The following TBC1D5 variants were observed in gnomAD, a reference collection of about 807,000 sequenced individuals.
TBC1D5 encodes the protein TBC1 domain family member 5.
Under a neutral mutation model 100.3 loss-of-function variants are expected in TBC1D5, and 75 were observed. The ratio of observed to expected loss-of-function variants is 0.75; its 90% CI spans 0.62 to 0.91. The LOEUF (loss-of-function observed/expected upper bound fraction) is 0.91. Among genes scored for constraint, TBC1D5 ranks in the 40% least tolerant of loss-of-function variants. TBC1D5 has a pLI of 0.00. For missense variants in TBC1D5, 910 were observed against 942.4 expected, an observed-to-expected ratio of 0.97 and a Z score of 0.45; for synonymous variants, 323 against 325.6, an observed-to-expected ratio of 0.99 and a Z score of 0.09.
At chr3:17,319,048 A>C (rs1272000445) in intron 13 of TBC1D5, among the ~76,000 whole-genome samples, 1 of 152,228 alleles carries the variant, frequency 6.6e-6, no homozygotes. Context: ...AGCCAATTTT[A>C]GAAAGACTTA....
chr3:17,206,031 T>C (rs2125880949), intron 18 of TBC1D5, among the ~76,000 whole-genome samples: 1 of 152,332 alleles, frequency 6.6e-6, no homozygotes. Flanking sequence ...CTACTTTAGA[T>C]GTGTCAGGGG....
intron 3 of TBC1D5, among the ~76,000 whole-genome samples, chr3:17,480,507 G>A (rs780457042): frequency 1.6e-4 from 24 of 152,194 alleles, no homozygotes; most frequent in Admixed American, 6.5e-4. Context: ...ACCCAGCCAG[G>A]ACTACCAGCT....
intron 13 of TBC1D5, among the ~76,000 whole-genome samples, chr3:17,351,987 C>G (rs187233685): frequency 6.7e-6 from 1 of 149,310 alleles, no homozygotes; most frequent in Non-Finnish European, 1.5e-5. Flanking sequence ...TTTCATCTAA[C>G]CTAAAGAGAA....
At chr3:17,637,031 T>A (rs1577154314) in intron 1 of TBC1D5, among the ~76,000 whole-genome samples, 2 of 150,956 alleles carry the variant, frequency 1.3e-5, no homozygotes, top group Admixed American at 1.3e-4. Context: ...TTATTATTTT[T>A]TTTTTTTTGA....
chr3:17,286,116 TATA>T (rs1176480686), intron 15 of TBC1D5, among the ~76,000 whole-genome samples: 3 of 152,208 alleles, frequency 2.0e-5, no homozygotes, highest in African/African-American at 7.2e-5. Flanking sequence ...GTATTTCATT[TATA>T]ATAAGTCTTT....
chr3:17,393,609 C>A (rs1312827054), intron 8 of TBC1D5, among the ~76,000 whole-genome samples: 1 of 152,148 alleles, frequency 6.6e-6, no homozygotes, highest in African/African-American at 2.4e-5. Context: ...CAGCATGGTA[C>A]TGGTACCAAA....
intron 2 of TBC1D5, among the ~76,000 whole-genome samples, chr3:17,602,719 C>A (rs1051244921): frequency 2.0e-5 from 3 of 151,578 alleles, no homozygotes; most frequent in African/African-American, 7.3e-5. Flanking sequence ...ACTACAGGCG[C>A]CCGCCACCAC....
intron 1 of TBC1D5, among the ~76,000 whole-genome samples, chr3:17,693,784 G>A (rs886841532): frequency 6.6e-6 from 1 of 152,178 alleles, no homozygotes; most frequent in Non-Finnish European, 1.5e-5. Flanking sequence ...CTCCTCAATT[G>A]GGTCCCTGAA....
chr3:17,380,941 A>C (rs1575608691), intron 9 of TBC1D5, among the ~76,000 whole-genome samples: 2 of 152,104 alleles, frequency 1.3e-5, no homozygotes, highest in East Asian at 3.9e-4. Context: ...CCTAGTACAA[A>C]ATAATAGCTT....
chr3:17,232,273 T>C (rs899621915), intron 17 of TBC1D5, among the ~76,000 whole-genome samples: 3 of 152,148 alleles, frequency 2.0e-5, no homozygotes, highest in Admixed American at 2.0e-4. Context: ...AGGTATAAAT[T>C]GGGCTCCATA....
At position 17,623,883 on chromosome 3, in the gene TBC1D5, A is replaced by G. The variant is rs773584130; in HGVS notation, c.-70T>C. ...TTCAGGCTTTGAGAATTTTTCTCCC[A>G]TTCCAAACTTTTATCTTGATACTGA... On this transcript the variant is annotated 5_prime_UTR_variant, in exon 2 of 22. It removes an upstream start codon present in the reference 5' UTR. Transcript: ENST00000253692. 1 of 152,126 alleles carries G rather than the reference A, an allele frequency of 6.6e-6. No individual in the cohort carries two copies. The highest frequency in any genetic ancestry group is 1.5e-5 in the Non-Finnish European group (1 of 68,016). 9.4% of individuals were successfully genotyped at this position (152,126 alleles called of 1,614,324 possible).
intron 1 of TBC1D5, among the ~76,000 whole-genome samples, chr3:17,710,333 G>A (rs1560528489): frequency 6.6e-6 from 1 of 152,090 alleles, no homozygotes; most frequent in Non-Finnish European, 1.5e-5. Context: ...GGTTGGCGGA[G>A]GTGGGTGGTT....
At chr3:17,277,639 G>A (rs2080163777) in intron 15 of TBC1D5, among the ~76,000 whole-genome samples, 1 of 152,234 alleles carries the variant, frequency 6.6e-6, no homozygotes, top group South Asian at 2.1e-4. Context: ...GTTCCTTACA[G>A]AAGACCAAAG....
chr3:17,385,027 A>G (rs1430767792), intron 8 of TBC1D5, among the ~76,000 whole-genome samples: 4 of 152,218 alleles, frequency 2.6e-5, no homozygotes, highest in African/African-American at 9.6e-5. Flanking sequence ...GAAATTTAAA[A>G]GTCCCAAACC....
chr3:17,398,810 A>G (rs34120433), intron 8 of TBC1D5, among the ~76,000 whole-genome samples: 89 of 152,156 alleles, frequency 5.8e-4, no homozygotes, highest in Non-Finnish European at 7.6e-4. Flanking sequence ...TGGCATCTCT[A>G]GTGCCTGGTA....
At chr3:17,613,548 T>C (rs1428557936) in intron 2 of TBC1D5, among the ~76,000 whole-genome samples, 1 of 152,218 alleles carries the variant, frequency 6.6e-6, no homozygotes, top group Non-Finnish European at 1.5e-5. Context: ...CCAGCATCTG[T>C]TGTTTCCTGA....
At chr3:17,459,829 G>C (rs2095168739) in intron 3 of TBC1D5, among the ~76,000 whole-genome samples, 1 of 152,092 alleles carries the variant, frequency 6.6e-6, no homozygotes, top group South Asian at 2.1e-4. Context: ...TGAATTGAAG[G>C]CACATGTCTT....
intron 19 of TBC1D5, among the ~76,000 whole-genome samples, chr3:17,177,846 G>C (rs2067960030): frequency 6.6e-6 from 1 of 152,142 alleles, no homozygotes. Context: ...ACACCAGGGT[G>C]AATGAGGTAT....
At chr3:17,220,466 T>C (rs2074147347) in intron 17 of TBC1D5, among the ~76,000 whole-genome samples, 1 of 152,136 alleles carries the variant, frequency 6.6e-6, no homozygotes, top group Non-Finnish European at 1.5e-5. Flanking sequence ...AACTCTCTGC[T>C]CATTTTACTT....
Sources: gnomAD v4.1 joint callset for allele counts (sites outside exome capture counted in the v4.1 genomes callset) on GRCh38, gnomAD v4.1.1 for gene constraint, MANE v1.5 for transcripts, NCBI Gene and HGNC (gene_info 2026-07-23, HGNC 2026-07-21) for gene names.